The following TIMM23B variants were observed in gnomAD, a reference collection of about 807,000 sequenced individuals.
The protein encoded by TIMM23B is mitochondrial import inner membrane translocase subunit Tim23B.
Under a neutral mutation model 27.3 loss-of-function variants are expected in TIMM23B, and 27 were observed. The ratio of observed to expected loss-of-function variants is 0.99; its 90% CI spans 0.73 to 1.36. The LOEUF is 1.36. Ranked by LOEUF, TIMM23B falls within the 40% of genes most tolerant of loss-of-function variation. The pLI is 0.00. For synonymous variants in TIMM23B, 73 were observed against 92.4 expected (o/e 0.79, Z 1.21); for missense variants, 205 against 244.2 (o/e 0.84, Z 1.07).
Position 49,973,073 on chromosome 10 carries a change from G to T in TIMM23B, c.*9G>T. ...TGCTGTCTGGCTCCTGAACCCAGCT[G>T]TAGAGGTGTGTGTCAATCCCAACTG... On this transcript the variant is annotated 3_prime_UTR_variant, in exon 7 of 7. Coordinates refer to ENST00000651259, the MANE Select transcript of TIMM23B (RefSeq NM_001290117.2). The T allele has an allele frequency of 6.5e-7, 1 of 1,533,270 alleles. No homozygotes were observed. The highest frequency in any genetic ancestry group is 8.7e-7 in the Non-Finnish European group (1 of 1,146,448). 95.0% of individuals were successfully genotyped at this position (1,533,270 alleles called of 1,614,324 possible).
chr10:49,954,719 T>G (rs1839656306), intron 4 of TIMM23B, among the ~76,000 whole-genome samples: 1 of 140,486 alleles, frequency 7.1e-6, no homozygotes, highest in Admixed American at 7.5e-5. Flanking sequence ...ATACATTTAA[T>G]AATAAGAGTT....
intron 5 of TIMM23B, among the ~76,000 whole-genome samples, chr10:49,957,429 T>G (rs1404938036): frequency 6.6e-6 from 1 of 151,904 alleles, no homozygotes; most frequent in Non-Finnish European, 1.5e-5. Flanking sequence ...TTTTAAAAAT[T>G]TTTTTGGAGA....
rs1245118732 is a variant in TIMM23B, at chr10:49,958,516, T to A, written c.514+36T>A. ...TTGAATGGGGAGCCATCTCTTAATATACTTGAAGTGCGCTTTTTAAAATTC... is the reference window on the plus strand; with the variant it reads ...TTGAATGGGGAGCCATCTCTTAATAAACTTGAAGTGCGCTTTTTAAAATTC... On this transcript the variant is annotated intron_variant, in intron 6 of 6. Transcript: ENST00000651259. The A allele has an allele frequency of 6.9e-6, 11 of 1,599,958 alleles. No individual in the cohort carries two copies. In the Middle Eastern group the frequency reaches 5.0e-4, roughly 72 times the overall value.
intron 6 of TIMM23B, among the ~76,000 whole-genome samples, chr10:49,962,532 T>C (rs1839955771): frequency 6.6e-6 from 1 of 152,124 alleles, no homozygotes; most frequent in Non-Finnish European, 1.5e-5. Flanking sequence ...CTCTATCTTC[T>C]CTGTAATTTG....
At chr10:49,962,386 A>C (rs1375716692) in intron 6 of TIMM23B, among the ~76,000 whole-genome samples, 1 of 152,090 alleles carries the variant, frequency 6.6e-6, no homozygotes, top group South Asian at 2.1e-4. Context: ...TATTTTTAAT[A>C]GAGTCGGGGT....
At chr10:49,947,433 C>A (rs1459542570) in intron 2 of TIMM23B, among the ~76,000 whole-genome samples, 2 of 148,296 alleles carry the variant, frequency 1.3e-5, no homozygotes, top group Non-Finnish European at 3.0e-5. Flanking sequence ...CATGGTGAAA[C>A]CCCATCTCTA....
intron 4 of TIMM23B, 50 bp from the exon 5 acceptor site, chr10:49,954,952 A>G: frequency 5.0e-6 from 8 of 1,608,972 alleles, no homozygotes; most frequent in Non-Finnish European, 6.8e-6. Flanking sequence ...AAAGATTACT[A>G]GAGAAATAAT....
At chr10:49,958,592 C>G (rs1839798575) in intron 6 of TIMM23B, 112 bp downstream of exon 6, 1 of 803,028 alleles carries the variant, frequency 1.2e-6, no homozygotes, top group Non-Finnish European at 2.0e-6. Context: ...AGTGTTCTAA[C>G]TTTATGGTTA....
intron 6 of TIMM23B, among the ~76,000 whole-genome samples, chr10:49,963,129 G>A (rs1458004189): frequency 4.6e-5 from 7 of 151,858 alleles, no homozygotes; most frequent in Non-Finnish European, 7.4e-5. Context: ...CCGACCTCAG[G>A]TTGCAGTGAG....
chr10:49,973,132 G>T lies in TIMM23B; in HGVS notation c.*68G>T, dbSNP rs2813140. The T allele has an allele frequency of 2.2e-6, 3 of 1,338,098 alleles. No homozygotes were observed. The highest frequency in any genetic ancestry group is 5.0e-5 in the East Asian group (2 of 40,078). The allele number at this position is 1,338,098 out of a possible 1,614,324, so 82.9% of individuals were successfully genotyped here. On this transcript the variant is annotated 3_prime_UTR_variant, in exon 7 of 7. Transcript: ENST00000651259. Reference sequence around the variant, plus strand: ...CTGAGAAGAAGCTACACAAAAGGCAGCAAAGTATTAGTAAGTGTACCTCTG... The same window carrying T: ...CTGAGAAGAAGCTACACAAAAGGCATCAAAGTATTAGTAAGTGTACCTCTG...
intron 5 of TIMM23B, among the ~76,000 whole-genome samples, chr10:49,958,069 G>C (rs1839784063): frequency 6.6e-6 from 1 of 152,158 alleles, no homozygotes; most frequent in Non-Finnish European, 1.5e-5. Flanking sequence ...GGGGAGAAAA[G>C]GGAGCAGGTG....
At chr10:49,961,309 G>A (rs1839890013) in intron 6 of TIMM23B, among the ~76,000 whole-genome samples, 1 of 149,014 alleles carries the variant, frequency 6.7e-6, no homozygotes, top group African/African-American at 2.5e-5. Flanking sequence ...CTTGAACCTG[G>A]GAGGTGGAGG....
In TIMM23B at chr10:49,973,115, A is replaced by C. The variant is rs1840523957; in HGVS notation, c.*51A>C. On this transcript the variant is annotated 3_prime_UTR_variant, in exon 7 of 7. Transcript: ENST00000651259. ...TCCCAACTGGTGAAGTACTGAGAAGAAGCTACACAAAAGGCAGCAAAGTAT... is the reference window on the plus strand; with the variant it reads ...TCCCAACTGGTGAAGTACTGAGAAGCAGCTACACAAAAGGCAGCAAAGTAT... 6.7e-6 allele frequency: 10 copies of C among 1,500,158 alleles called. No individual in the cohort carries two copies. Among genetic ancestry groups the C allele is most frequent in the Non-Finnish European group, 7.2e-6 (8 of 1,117,646 alleles). The allele number at this position is 1,500,158 out of a possible 1,614,324, so 92.9% of individuals were successfully genotyped here. A position where few individuals can be genotyped will look rare whatever the true frequency, so the allele number is the denominator to read the frequency against.
chr10:49,953,426 G>A (rs1839608185), intron 4 of TIMM23B, among the ~76,000 whole-genome samples: 1 of 152,172 alleles, frequency 6.6e-6, no homozygotes, highest in African/African-American at 2.4e-5. Flanking sequence ...GCTCACTGTA[G>A]CCTTGACCTC....
At chr10:49,971,810 C>T (rs1434084228) in intron 6 of TIMM23B, among the ~76,000 whole-genome samples, 1 of 152,226 alleles carries the variant, frequency 6.6e-6, no homozygotes, top group African/African-American at 2.4e-5. Context: ...ATTTGTAAAA[C>T]TAAGGCTCAG....
chr10:49,971,671 G>A (rs1840456543), intron 6 of TIMM23B, among the ~76,000 whole-genome samples: 1 of 152,164 alleles, frequency 6.6e-6, no homozygotes, highest in Admixed American at 6.5e-5. Flanking sequence ...CATGTGCATA[G>A]CTTCTCCCCG....
At chr10:49,945,845 T>C (rs1254375882) in intron 2 of TIMM23B, among the ~76,000 whole-genome samples, 1 of 152,048 alleles carries the variant, frequency 6.6e-6, no homozygotes, top group Non-Finnish European at 1.5e-5. Flanking sequence ...CTTATCTCAA[T>C]AGATTCACAA....
At chr10:49,965,084 A>T (rs1409676225) in intron 6 of TIMM23B, among the ~76,000 whole-genome samples, 1 of 152,094 alleles carries the variant, frequency 6.6e-6, no homozygotes, top group African/African-American at 2.4e-5. Flanking sequence ...GCCGGGCATG[A>T]TGGCAGGTGC....
chr10:49,967,458 GAC>G (rs1234854841), intron 6 of TIMM23B, among the ~76,000 whole-genome samples: 1 of 151,780 alleles, frequency 6.6e-6, no homozygotes, highest in East Asian at 2.0e-4. Flanking sequence ...AAATTAATAA[GAC>G]ATTGATTTGC....
Sources: gnomAD v4.1 joint callset for allele counts (sites outside exome capture counted in the v4.1 genomes callset) on GRCh38, gnomAD v4.1.1 for gene constraint, MANE v1.5 for transcripts, NCBI Gene and HGNC (gene_info 2026-07-23, HGNC 2026-07-21) for gene names.